The following XKR4 variants were observed in gnomAD, a reference collection of about 807,000 sequenced individuals.
XKR4 encodes XK-related protein 4.
XKR4 carries 12 observed loss-of-function variants against 53.9 expected under a neutral mutation model. That is an observed-to-expected ratio of 0.22 (90% CI 0.14 to 0.36). The LOEUF (loss-of-function observed/expected upper bound fraction) is 0.36, where lower values mean the gene tolerates loss of function less well. XKR4 is among the 10% of genes least tolerant of loss of function. The pLI is 1.00. For missense variants in XKR4, 799 were observed against 859.5 expected (o/e 0.93, Z 0.88); for synonymous variants, 354 against 362.4 (o/e 0.98, Z 0.26).
chr8:55,502,344 CAA>C (rs892178452), intron 2 of XKR4, among the ~76,000 whole-genome samples: 1 of 151,730 alleles, frequency 6.6e-6, no homozygotes, highest in African/African-American at 2.4e-5. Context: ...CAACAGTACA[CAA>C]GTGTTCCTAT....
At chr8:55,105,444 A>C (rs141955512) in intron 1 of XKR4, among the ~76,000 whole-genome samples, 3,156 of 152,290 alleles carry the variant, frequency 0.021, 110 homozygotes, top group African/African-American at 0.072. Flanking sequence ...TAACTGACCC[A>C]GACTTGGAGA....
intron 2 of XKR4, chr8:55,451,769 G>A: frequency 9.3e-7 from 1 of 1,080,362 alleles, no homozygotes; most frequent in Non-Finnish European, 1.4e-6. Flanking sequence ...CGGCTGCTCA[G>A]GGGGCCCAGG....
Position 55,265,899 on chromosome 8 carries a change from C to T in XKR4, c.807-91779C>T, listed in dbSNP as rs531138609. ...ACTTGGGAGGCTGAGGCAGGAGAAT[C>T]GCTTGAACCTGGGAGGCAGAGGTTG... On this transcript the variant is annotated intron_variant, in intron 1 of 2. Transcript: ENST00000327381. Among the ~76,000 whole-genome samples, 27 of 151,648 alleles carry T rather than the reference C, an allele frequency of 1.8e-4. No homozygotes were observed. In the East Asian group the frequency reaches 2.3e-3, roughly 13 times the overall value.
intron 1 of XKR4, among the ~76,000 whole-genome samples, chr8:55,161,286 CACTCGCAG>C (rs1300611090): frequency 6.6e-6 from 1 of 152,090 alleles, no homozygotes; most frequent in Non-Finnish European, 1.5e-5. Flanking sequence ...ACAGTTATTT[CACTCGCAG>C]ACATCTTTCC....
chr8:55,308,508 G>A (rs759610724), intron 1 of XKR4, among the ~76,000 whole-genome samples: 166 of 152,214 alleles, frequency 1.1e-3, no homozygotes, highest in Non-Finnish European at 2.1e-3. Flanking sequence ...CAGCATGGGG[G>A]AAACTGCCCC....
chr8:55,385,850 G>A (rs1358950620), intron 2 of XKR4, among the ~76,000 whole-genome samples: 1 of 152,178 alleles, frequency 6.6e-6, no homozygotes, highest in East Asian at 1.9e-4. Context: ...CCAACAAAAA[G>A]AACACCAAAC....
At chr8:55,505,621 T>C (rs1806516109) in intron 2 of XKR4, among the ~76,000 whole-genome samples, 1 of 152,244 alleles carries the variant, frequency 6.6e-6, no homozygotes, top group Non-Finnish European at 1.5e-5. Context: ...TTGTGAATTT[T>C]ACAGATTTCC....
At chr8:55,239,403 C>A (rs1818177060) in intron 1 of XKR4, among the ~76,000 whole-genome samples, 1 of 152,248 alleles carries the variant, frequency 6.6e-6, no homozygotes, top group African/African-American at 2.4e-5. Flanking sequence ...ATACTGCCTG[C>A]AGCCCAGAGC....
At position 55,103,043 on chromosome 8, in the gene XKR4, C is replaced by T; in HGVS notation, c.555C>T (p.Cys185=). ...CCACGGCCGCTGCTGCCTCCAGCTG[C>T]CCGCAGCCTGGAGCCGATTGCAAGA... ...DSATAAAASS[C]PQPGADCKTV... The change falls in exon 1 of 3, where the codon TGC becomes TGT. Residue 185 remains cysteine, a synonymous_variant. Transcript: ENST00000327381. 3 of 1,612,666 alleles carry T rather than the reference C, an allele frequency of 1.9e-6. No homozygotes were observed. Among genetic ancestry groups the T allele is most frequent in the Non-Finnish European group, 2.5e-6 (3 of 1,179,724 alleles).
chr8:55,403,546 G>A (rs975513511), intron 2 of XKR4, among the ~76,000 whole-genome samples: 2 of 152,204 alleles, frequency 1.3e-5, no homozygotes, highest in South Asian at 2.1e-4. Context: ...CAGCCATCAC[G>A]TTATGGCCAC....
Position 55,372,846 on chromosome 8 carries a change from C to G in XKR4, c.1006+14969C>G, listed in dbSNP as rs191951564. Among the ~76,000 whole-genome samples, 3 of 152,232 alleles carry G rather than the reference C, an allele frequency of 2.0e-5. No homozygotes were observed. In the East Asian group the frequency reaches 5.8e-4, roughly 29 times the overall value. ...GGGATTTTAAAACAGCTTTTTTCCC[C>G]CCAGGGTACTGCTCATACACAGGAG... On this transcript the variant is annotated intron_variant, in intron 2 of 2. Transcript: ENST00000327381.
chr8:55,467,797 C>A (rs1805805480), intron 2 of XKR4, among the ~76,000 whole-genome samples: 1 of 152,102 alleles, frequency 6.6e-6, no homozygotes, highest in Non-Finnish European at 1.5e-5. Context: ...TTTTCTTTTG[C>A]AAATGACCAG....
chr8:55,179,784 G>A (rs2129359545), intron 1 of XKR4, among the ~76,000 whole-genome samples: 1 of 152,224 alleles, frequency 6.6e-6, no homozygotes, highest in Admixed American at 6.5e-5. Flanking sequence ...CTGGCATAAT[G>A]GAATATTGTC....
chr8:55,254,900 T>C (rs1028358989), intron 1 of XKR4, among the ~76,000 whole-genome samples: 11 of 152,214 alleles, frequency 7.2e-5, no homozygotes, highest in African/African-American at 2.7e-4. Flanking sequence ...TTTTGTCTAC[T>C]CATGAATTAT....
intron 1 of XKR4, among the ~76,000 whole-genome samples, chr8:55,333,901 A>G (rs1004532526): frequency 6.6e-6 from 1 of 152,168 alleles, no homozygotes; most frequent in Non-Finnish European, 1.5e-5. Flanking sequence ...ATGTTGTAGC[A>G]TTTTAAATTT....
intron 1 of XKR4, among the ~76,000 whole-genome samples, chr8:55,145,498 C>T (rs1348370242): frequency 6.6e-6 from 1 of 152,282 alleles, no homozygotes; most frequent in Admixed American, 6.5e-5. Flanking sequence ...TGCTCCTCCT[C>T]CCAGAAATAT....
chr8:55,426,460 G>T (rs1805015205), intron 2 of XKR4, among the ~76,000 whole-genome samples: 1 of 151,968 alleles, frequency 6.6e-6, no homozygotes, highest in Non-Finnish European at 1.5e-5. Flanking sequence ...ATTCCTTTAA[G>T]GTTCTGTCCA....
intron 1 of XKR4, among the ~76,000 whole-genome samples, chr8:55,264,741 G>A (rs1818574434): frequency 6.6e-6 from 1 of 152,208 alleles, no homozygotes; most frequent in Non-Finnish European, 1.5e-5. Context: ...ACCCTGAATT[G>A]AGAATTGCAA....
chr8:55,478,165 C>G (rs1216546357), intron 2 of XKR4, among the ~76,000 whole-genome samples: 1 of 152,022 alleles, frequency 6.6e-6, no homozygotes, highest in Non-Finnish European at 1.5e-5. Context: ...GCCGGGTTAC[C>G]CAAAAAGGGA....
Sources: gnomAD v4.1 joint callset for allele counts (sites outside exome capture counted in the v4.1 genomes callset) on GRCh38, gnomAD v4.1.1 for gene constraint, MANE v1.5 for transcripts, NCBI Gene and HGNC (gene_info 2026-07-23, HGNC 2026-07-21) for gene names.